ALK: variants seen among roughly 807,000 people sequenced by gnomAD.
ALK encodes ALK tyrosine kinase receptor.
A neutral mutation model predicts 163.1 loss-of-function variants in ALK; 74 were observed. The ratio of observed to expected loss-of-function variants is 0.45; its 90% CI spans 0.38 to 0.55. The LOEUF (loss-of-function observed/expected upper bound fraction) is 0.55. Among genes scored for constraint, ALK ranks in the 20% least tolerant of loss-of-function variants. ALK has a pLI of 0.00. For missense variants in ALK, 2,063 were observed against 2,105.3 expected (o/e 0.98, Z 0.39); for synonymous variants, 960 against 843.2 (o/e 1.14, Z -2.40).
intron 4 of ALK, among the ~76,000 whole-genome samples, chr2:29,471,612 A>G: frequency 6.6e-6 from 1 of 152,318 alleles, no homozygotes; most frequent in Non-Finnish European, 1.5e-5. Flanking sequence ...ACCTCAGCAC[A>G]CTAGGAATAG....
At chr2:29,277,626 G>A (rs935209789) in intron 9 of ALK, among the ~76,000 whole-genome samples, 18 of 152,236 alleles carry the variant, frequency 1.2e-4, no homozygotes, top group Non-Finnish European at 2.4e-4. Flanking sequence ...TGGCCCTTCA[G>A]GCCATATTCC....
rs140803638 is a variant in ALK at position 29,746,998 on chromosome 2, G to A, written c.668-29301C>T. ...CAGAATCTCAAGGTTGGAAAGTACT[G>A]TAGGAAGCCACCAAGTCCAGGTCCC... On this transcript the variant is annotated intron_variant, in intron 1 of 28. Coordinates refer to ENST00000389048, the MANE Select transcript of ALK (RefSeq NM_004304.5). 1.2e-4 allele frequency among the ~76,000 whole-genome samples: 19 copies of A among 152,326 alleles called. 1 individual carries two copies. In the East Asian group the frequency reaches 3.5e-3, roughly 28 times the overall value.
intron 1 of ALK, among the ~76,000 whole-genome samples, chr2:29,879,618 G>T (rs994923604): frequency 9.9e-5 from 15 of 152,184 alleles, no homozygotes; most frequent in Non-Finnish European, 1.5e-4. Flanking sequence ...TCACGTTTAA[G>T]ATAATGGTTC....
chr2:29,196,996 C>T (rs1669039606), intron 27 of ALK, 136 bp from the exon 28 acceptor site: 3 of 706,160 alleles, frequency 4.2e-6, no homozygotes, highest in East Asian at 2.7e-5. Context: ...GCCTATGCTG[C>T]CCCCTGCTGA....
intron 5 of ALK, among the ~76,000 whole-genome samples, chr2:29,330,098 A>AG (rs1667395559): frequency 1.3e-5 from 2 of 152,126 alleles, no homozygotes; most frequent in African/African-American, 4.8e-5. Context: ...CCTGCCTCCT[A>AG]CTGGGCATTC....
intron 15 of ALK, among the ~76,000 whole-genome samples, chr2:29,231,119 C>T (rs1286708160): frequency 6.6e-6 from 1 of 152,170 alleles, no homozygotes; most frequent in Non-Finnish European, 1.5e-5. Flanking sequence ...AGGTGGGTCA[C>T]CTGAGGTCAG....
At chr2:29,289,339 T>C (rs1048903241) in intron 9 of ALK, among the ~76,000 whole-genome samples, 2 of 152,078 alleles carry the variant, frequency 1.3e-5, no homozygotes, top group African/African-American at 4.8e-5. Context: ...GAATAAAGCA[T>C]GGTGTGCACT....
chr2:29,474,442 C>A (rs1393238283), intron 4 of ALK, among the ~76,000 whole-genome samples: 1 of 152,012 alleles, frequency 6.6e-6, no homozygotes, highest in African/African-American at 2.4e-5. Context: ...TATCCACTGA[C>A]GTGTGGTTTT....
At chr2:29,863,650 G>T (rs1348028475) in intron 1 of ALK, among the ~76,000 whole-genome samples, 1 of 152,138 alleles carries the variant, frequency 6.6e-6, no homozygotes, top group Non-Finnish European at 1.5e-5. Context: ...GGATGTGAAG[G>T]AAAGGAAACC....
chr2:29,409,234 C>T (rs1351852593), intron 4 of ALK, among the ~76,000 whole-genome samples: 2 of 152,194 alleles, frequency 1.3e-5, no homozygotes, highest in African/African-American at 2.4e-5. Flanking sequence ...CTATTAGCCT[C>T]TAGTAAGGGA....
At chr2:29,524,098 T>A (rs1672889962) in intron 4 of ALK, among the ~76,000 whole-genome samples, 1 of 152,134 alleles carries the variant, frequency 6.6e-6, no homozygotes, top group South Asian at 2.1e-4. Context: ...GAGACTCTTC[T>A]GTGATCTTGA....
At chr2:29,581,360 C>T (rs1043055093) in intron 3 of ALK, among the ~76,000 whole-genome samples, 1 of 152,064 alleles carries the variant, frequency 6.6e-6, no homozygotes, top group African/African-American at 2.4e-5. Flanking sequence ...TGCACTCCAG[C>T]CTGGGCGACA....
chr2:29,222,944 G>C (rs1362379868), intron 20 of ALK, among the ~76,000 whole-genome samples: 1 of 152,120 alleles, frequency 6.6e-6, no homozygotes, highest in Non-Finnish European at 1.5e-5. Flanking sequence ...CATGCTCCTT[G>C]GGGAGAGACA....
intron 1 of ALK, among the ~76,000 whole-genome samples, chr2:29,750,673 AAGG>A (rs1680334549): frequency 3.8e-5 from 5 of 133,256 alleles, no homozygotes; most frequent in Admixed American, 3.7e-4. Context: ...GGAAGGAAGG[AAGG>A]AAGGAAGGAA....
intron 3 of ALK, among the ~76,000 whole-genome samples, chr2:29,659,031 A>G (rs1677272721): frequency 1.3e-5 from 2 of 152,090 alleles, no homozygotes; most frequent in Admixed American, 6.5e-5. Flanking sequence ...GGCTTTCAGA[A>G]TTGTCCTCCC....
chr2:29,724,583 C>G (rs10175802), intron 1 of ALK, among the ~76,000 whole-genome samples: 8,546 of 152,218 alleles, frequency 0.056, 799 homozygotes, highest in African/African-American at 0.19. Flanking sequence ...GTCTGAAAAA[C>G]AGAGATGTGA....
chr2:29,228,764 G>A (rs1664090177), intron 16 of ALK, 120 bp downstream of exon 16: 5 of 741,390 alleles, frequency 6.7e-6, no homozygotes, highest in Non-Finnish European at 1.2e-5. Flanking sequence ...GAGGCGTGCA[G>A]TCACATCACA....
chr2:29,518,888 T>C (rs1459494567), intron 4 of ALK, among the ~76,000 whole-genome samples: 1 of 152,198 alleles, frequency 6.6e-6, no homozygotes, highest in East Asian at 1.9e-4. Context: ...GGTGCTGATA[T>C]GATTCTAGGT....
intron 3 of ALK, among the ~76,000 whole-genome samples, chr2:29,599,344 C>T (rs966820917): frequency 5.3e-5 from 8 of 152,144 alleles, no homozygotes; most frequent in African/African-American, 1.2e-4. Flanking sequence ...TCAAAGTCAA[C>T]GAGGAACTAA....
Sources: allele counts gnomAD v4.1 joint callset (sites outside exome capture counted in the v4.1 genomes callset), GRCh38; gene constraint gnomAD v4.1.1; transcripts MANE v1.5; gene names NCBI Gene and HGNC (gene_info 2026-07-23, HGNC 2026-07-21).